The following ATP11B variants were observed in gnomAD, a reference collection of about 807,000 sequenced individuals.
ATP11B encodes ATPase phospholipid transporting 11B (putative).
A neutral mutation model predicts 157.8 loss-of-function variants in ATP11B; 81 were observed. The ratio of observed to expected loss-of-function variants is 0.51; its 90% CI spans 0.43 to 0.62. The LOEUF is 0.62. Ranked by LOEUF, ATP11B falls within the 20% of genes least tolerant of loss-of-function variation. The pLI is 0.00. For missense variants in ATP11B, 1,165 were observed against 1,402.2 expected (o/e 0.83, Z 2.70); for synonymous variants, 451 against 469.4 (o/e 0.96, Z 0.51).
chr3:182,870,794 A>G (rs546102727), intron 17 of ATP11B, among the ~76,000 whole-genome samples: 71 of 151,584 alleles, frequency 4.7e-4, no homozygotes, highest in African/African-American at 1.7e-3. Context: ...TAACAGGATG[A>G]AACCCCACCA....
intron 17 of ATP11B, among the ~76,000 whole-genome samples, chr3:182,869,582 G>A (rs1218536763): frequency 6.6e-6 from 1 of 152,204 alleles, no homozygotes; most frequent in Admixed American, 6.5e-5. Flanking sequence ...TTTTAGAAGA[G>A]TGTTTATTAA....
At position 182,921,097 on chromosome 3, in the gene ATP11B, A is replaced by G. The variant is rs1231844535; in HGVS notation, c.*2993A>G. 2 of 152,218 alleles carry G rather than the reference A, an allele frequency of 1.3e-5. No homozygotes were observed. The highest frequency in any genetic ancestry group is 2.9e-5 in the Non-Finnish European group (2 of 68,042). The allele number at this position is 152,218 out of a possible 1,614,324, so 9.4% of individuals were successfully genotyped here. On this transcript the variant is annotated 3_prime_UTR_variant, in exon 30 of 30. Coordinates refer to ENST00000323116, the MANE Select transcript of ATP11B (RefSeq NM_014616.3). ...ACTAGAAAATTGACAGTTAAGAGCC[A>G]AAAGTTTTTAAAATATGCTACTCTG...
At chr3:182,911,425 G>A (rs1261795433) in intron 28 of ATP11B, among the ~76,000 whole-genome samples, 3 of 152,180 alleles carry the variant, frequency 2.0e-5, no homozygotes, top group East Asian at 3.9e-4. Flanking sequence ...AAGGCAGGAA[G>A]TGCTATGGTA....
At chr3:182,911,275 C>CCCA (rs1553826103) in intron 28 of ATP11B, among the ~76,000 whole-genome samples, 2 of 121,306 alleles carry the variant, frequency 1.6e-5, no homozygotes, top group African/African-American at 3.3e-5. Flanking sequence ...TGAAATGCCC[C>CCCA]CCCCCGCTAA....
intron 27 of ATP11B, 54 bp downstream of exon 27, chr3:182,897,460 A>G: frequency 1.6e-6 from 2 of 1,218,044 alleles, no homozygotes; most frequent in Non-Finnish European, 2.3e-6. Flanking sequence ...ATAAACATTT[A>G]TTGTGATAGG....
chr3:182,826,713 A>G (rs890958271), intron 2 of ATP11B, among the ~76,000 whole-genome samples: 1 of 152,218 alleles, frequency 6.6e-6, no homozygotes. Flanking sequence ...AAAGAAGGAA[A>G]GTTTGTTGCT....
At chr3:182,863,706 T>TAC (rs1721023786) in intron 12 of ATP11B, among the ~76,000 whole-genome samples, 1 of 148,550 alleles carries the variant, frequency 6.7e-6, no homozygotes, top group South Asian at 2.1e-4. Flanking sequence ...TTCTTGATTT[T>TAC]ATATATATAT....
At chr3:182,908,196 C>CTTTTTTTT (rs10716562) in intron 28 of ATP11B, among the ~76,000 whole-genome samples, 28 of 70,720 alleles carry the variant, frequency 4.0e-4, no homozygotes, top group East Asian at 4.4e-4. Context: ...TTATTATTTT[C>CTTTTTTTT]TTTTTTTTTT....
intron 15 of ATP11B, among the ~76,000 whole-genome samples, chr3:182,868,662 G>A (rs781682976): frequency 6.6e-5 from 10 of 152,112 alleles, no homozygotes; most frequent in African/African-American, 2.2e-4. Flanking sequence ...AGAAAAAAGC[G>A]TTGAGAATCA....
At chr3:182,794,516 C>T (rs1445807370) in intron 1 of ATP11B, among the ~76,000 whole-genome samples, 2 of 152,142 alleles carry the variant, frequency 1.3e-5, no homozygotes, top group African/African-American at 4.8e-5. Flanking sequence ...TACTTTTTTC[C>T]CGTTCTCCTC....
chr3:182,816,596 TAAAG>T (rs1242800196), intron 1 of ATP11B, among the ~76,000 whole-genome samples: 3 of 152,242 alleles, frequency 2.0e-5, no homozygotes, highest in African/African-American at 7.2e-5. Flanking sequence ...TGACTCCTGT[TAAAG>T]AAGATAAAGG....
chr3:182,888,861 T>C lies in ATP11B; in HGVS notation c.2844-549T>C, dbSNP rs918911769. 3.4e-5 allele frequency among the ~76,000 whole-genome samples: 5 copies of C among 148,656 alleles called. 1 individual carries two copies. Among genetic ancestry groups the C allele is most frequent in the East Asian group, 2.0e-4 (1 of 5,084 alleles). ...CCATGCCCAGCCTATCATATTTCTTTTTTTTTTTTTTTTTTCCTTTTGAGA... is the reference window on the plus strand; with the variant it reads ...CCATGCCCAGCCTATCATATTTCTTCTTTTTTTTTTTTTTTCCTTTTGAGA... On this transcript the variant is annotated intron_variant, in intron 24 of 29. Transcript: ENST00000323116.
At chr3:182,886,783 A>G (rs1480572918) in intron 23 of ATP11B, among the ~76,000 whole-genome samples, 1 of 152,152 alleles carries the variant, frequency 6.6e-6, no homozygotes, top group Non-Finnish European at 1.5e-5. Flanking sequence ...TATTGAAAAA[A>G]CAAGAGCTTA....
intron 19 of ATP11B, among the ~76,000 whole-genome samples, chr3:182,874,522 T>C (rs1300945196): frequency 1.3e-5 from 2 of 152,212 alleles, no homozygotes; most frequent in East Asian, 1.9e-4. Context: ...TTTGAAGCAC[T>C]GTGGATAGGG....
chr3:182,896,871 C>A, intron 26 of ATP11B, 106 bp downstream of exon 26: 1 of 742,110 alleles, frequency 1.3e-6, no homozygotes, highest in Non-Finnish European at 2.2e-6. Context: ...TTTCCATTTT[C>A]AATAACGATT....
chr3:182,829,730 T>C lies in ATP11B; in HGVS notation c.293T>C (p.Ile98Thr), dbSNP rs764825939. Reference protein sequence around the residue: ...VTSGLPLFFVITVTAIKQGYE... With the variant: ...VTSGLPLFFVTTVTAIKQGYE... ...AGTGGACTTCCATTATTCTTTGTGA[T>C]AACAGTAACTGCCATAAAGCAGGTA... Residue 98 changes from isoleucine (I) to threonine (T), a missense_variant, in exon 4 of 30, where the codon ATA becomes ACA. Ile to Thr is a moderately conservative substitution (Grantham distance 89). This residue lies in a region of ATP11B where 34 missense variants were observed against 79.6 expected (regional missense o/e 0.43). Coordinates refer to ENST00000323116, the MANE Select transcript of ATP11B (RefSeq NM_014616.3). 6 of 1,607,898 alleles carry C rather than the reference T, an allele frequency of 3.7e-6. No homozygotes were observed. In the Admixed American group the frequency reaches 1.0e-4, roughly 27 times the overall value.
intron 7 of ATP11B, among the ~76,000 whole-genome samples, chr3:182,840,719 C>T (rs1718942413): frequency 6.6e-6 from 1 of 152,096 alleles, no homozygotes; most frequent in Non-Finnish European, 1.5e-5. Context: ...TTACTCACAT[C>T]TCACCCCAAC....
At chr3:182,914,803 A>G (rs1725034029) in intron 29 of ATP11B, 2 of 985,170 alleles carry the variant, frequency 2.0e-6, no homozygotes, top group Non-Finnish European at 2.4e-6. Context: ...GAGTTATATC[A>G]CTATTTAGAG....
intron 1 of ATP11B, among the ~76,000 whole-genome samples, chr3:182,794,319 A>C (rs974637958): frequency 1.8e-4 from 28 of 152,182 alleles, no homozygotes; most frequent in Non-Finnish European, 3.7e-4. Flanking sequence ...AGGCTGTCGT[A>C]GGTGTCTAGC....
Sources: gnomAD v4.1 joint callset for allele counts (sites outside exome capture counted in the v4.1 genomes callset) on GRCh38, gnomAD v4.1.1 for gene constraint, gnomAD v4.1.1 regional missense constraint, MANE v1.5 for transcripts, NCBI Gene and HGNC (gene_info 2026-07-23, HGNC 2026-07-21) for gene names.